The following MAML2 variants were observed in gnomAD, a reference collection of about 807,000 sequenced individuals.
The protein encoded by MAML2 is mastermind-like protein 2.
Under a neutral mutation model 96.1 loss-of-function variants are expected in MAML2, and 22 were observed. That is an observed-to-expected ratio of 0.23 (90% CI 0.16 to 0.33). MAML2 has a LOEUF of 0.33. Ranked by LOEUF, MAML2 falls within the 10% of genes least tolerant of loss-of-function variation. MAML2 has a pLI of 1.00. For missense variants in MAML2, 1,367 were observed against 1,392.4 expected, an observed-to-expected ratio of 0.98 and a Z score of 0.29; for synonymous variants, 561 against 521.3, an observed-to-expected ratio of 1.08 and a Z score of -1.04.
intron 1 of MAML2, among the ~76,000 whole-genome samples, chr11:96,161,860 A>C (rs1461234963): frequency 2.6e-5 from 4 of 152,182 alleles, no homozygotes; most frequent in African/African-American, 9.7e-5. Context: ...TAGGAAATAT[A>C]ATCATGGCAA....
At chr11:95,998,118 A>ATCTG (rs1176144247) in intron 2 of MAML2, among the ~76,000 whole-genome samples, 13 of 125,482 alleles carry the variant, frequency 1.0e-4, no homozygotes, top group African/African-American at 3.7e-4. Context: ...CCACTTTTCT[A>ATCTG]TCTATCTGTC....
chr11:96,177,730 C>T (rs1226799653), intron 1 of MAML2, among the ~76,000 whole-genome samples: 1 of 152,156 alleles, frequency 6.6e-6, no homozygotes, highest in Non-Finnish European at 1.5e-5. Context: ...TCCAAGCCTA[C>T]ATTTTGTCAA....
chr11:96,217,613 G>A (rs750837294), intron 1 of MAML2, among the ~76,000 whole-genome samples: 17 of 152,226 alleles, frequency 1.1e-4, no homozygotes, highest in Non-Finnish European at 2.5e-4. Flanking sequence ...AAAAGAATAA[G>A]ACAGGACAGA....
intron 1 of MAML2, among the ~76,000 whole-genome samples, chr11:96,329,388 A>G (rs1043436120): frequency 3.9e-5 from 6 of 152,180 alleles, no homozygotes; most frequent in African/African-American, 1.4e-4. Context: ...TGTCCCCCAC[A>G]TAACTTCAGA....
intron 1 of MAML2, among the ~76,000 whole-genome samples, chr11:96,297,531 C>T (rs780288734): frequency 1.6e-4 from 25 of 152,044 alleles, no homozygotes; most frequent in Non-Finnish European, 3.1e-4. Flanking sequence ...GCCGAGATCA[C>T]GCCACTGCAC....
intron 2 of MAML2, among the ~76,000 whole-genome samples, chr11:96,015,586 G>GC (rs1477544160): frequency 1.8e-5 from 1 of 54,694 alleles, no homozygotes; most frequent in Non-Finnish European, 3.7e-5. Flanking sequence ...AAAAAAAAAG[G>GC]GGGGGGGGGC....
chr11:96,274,962 A>C (rs1862966651), intron 1 of MAML2, among the ~76,000 whole-genome samples: 1 of 116,778 alleles, frequency 8.6e-6, no homozygotes, highest in Non-Finnish European at 1.9e-5. Context: ...TCATTTATAC[A>C]TATTTTAAAG....
At chr11:96,272,502 T>C (rs1862930861) in intron 1 of MAML2, among the ~76,000 whole-genome samples, 1 of 151,954 alleles carries the variant, frequency 6.6e-6, no homozygotes, top group African/African-American at 2.4e-5. Flanking sequence ...ATATTATGAG[T>C]GGGAAACAAA....
chr11:96,183,088 G>A (rs1186104151), intron 1 of MAML2, among the ~76,000 whole-genome samples: 2 of 151,128 alleles, frequency 1.3e-5, no homozygotes, highest in African/African-American at 4.9e-5. Context: ...CTCCCAAGTA[G>A]CTGGGACTAC....
At chr11:96,331,241 GC>G (rs1288212870) in intron 1 of MAML2, among the ~76,000 whole-genome samples, 5 of 152,206 alleles carry the variant, frequency 3.3e-5, no homozygotes, top group African/African-American at 1.2e-4. Context: ...CTGCACTCCA[GC>G]CTGGGTGACA....
At position 96,148,107 on chromosome 11, in the gene MAML2, C is replaced by T. The variant is rs1044239118; in HGVS notation, c.514-54590G>A. Among the ~76,000 whole-genome samples the T allele has an allele frequency of 3.3e-5, 5 of 152,274 alleles. No homozygotes were observed. In the East Asian group the frequency reaches 9.6e-4, roughly 29 times the overall value. On this transcript the variant is annotated intron_variant, in intron 1 of 4. Transcript: ENST00000524717. ...CGTATACACGACGAGCACACCTCAT[C>T]TGTCACGTCGGGACATGTTAAAAGG...
In MAML2 at chr11:96,208,370, A is replaced by G. The variant is rs141443389; in HGVS notation, c.514-114853T>C. Reference sequence around the variant, plus strand: ...GGCACCCAAGAATGAAATATAATTCAAGAACGTTTTGTACATTCTGCTCTA... The same window carrying G: ...GGCACCCAAGAATGAAATATAATTCGAGAACGTTTTGTACATTCTGCTCTA... On this transcript the variant is annotated intron_variant, in intron 1 of 4. Transcript: ENST00000524717. Among the ~76,000 whole-genome samples the G allele has an allele frequency of 2.5e-3, 382 of 152,378 alleles. 1 individual carries two copies. Among genetic ancestry groups the G allele is most frequent in the Middle Eastern group, 0.01 (3 of 294 alleles).
chr11:96,316,799 G>A (rs1471301175), intron 1 of MAML2, among the ~76,000 whole-genome samples: 1 of 152,224 alleles, frequency 6.6e-6, no homozygotes, highest in Non-Finnish European at 1.5e-5. Flanking sequence ...ATACTAGAAA[G>A]AAGATGCCAT....
At chr11:96,202,794 A>G (rs1861844644) in intron 1 of MAML2, among the ~76,000 whole-genome samples, 1 of 152,024 alleles carries the variant, frequency 6.6e-6, no homozygotes, top group African/African-American at 2.4e-5. Context: ...ACGCCTGGCT[A>G]ATTTTGTATT....
chr11:96,051,192 T>C (rs998766809), intron 2 of MAML2, among the ~76,000 whole-genome samples: 1 of 152,224 alleles, frequency 6.6e-6, no homozygotes, highest in African/African-American at 2.4e-5. Flanking sequence ...ATCCGTCCAA[T>C]ATTTATTTAG....
chr11:96,151,668 C>T lies in MAML2; in HGVS notation c.514-58151G>A, dbSNP rs150645659. ...AAGTATGTAGCACCTTCCCCCTCTT[C>T]CTTTGTCCTGTTCCTGGCATGTAAG... On this transcript the variant is annotated intron_variant, in intron 1 of 4. Transcript: ENST00000524717. Among the ~76,000 whole-genome samples the T allele has an allele frequency of 3.2e-3, 481 of 152,254 alleles. 2 individuals carry two copies. The highest frequency in any genetic ancestry group is 0.01 in the Middle Eastern group (3 of 294).
chr11:96,056,619 C>T (rs1859074501), intron 2 of MAML2, among the ~76,000 whole-genome samples: 1 of 152,168 alleles, frequency 6.6e-6, no homozygotes, highest in Non-Finnish European at 1.5e-5. Context: ...AAGGTTAGAA[C>T]ATTTGAAGCA....
At chr11:96,030,037 A>G (rs375912682) in intron 2 of MAML2, among the ~76,000 whole-genome samples, 3 of 151,998 alleles carry the variant, frequency 2.0e-5, no homozygotes, top group Non-Finnish European at 2.9e-5. Context: ...TTCGAGACCA[A>G]CCTGGCCAAC....
intron 1 of MAML2, among the ~76,000 whole-genome samples, chr11:96,226,255 A>G (rs1206226850): frequency 1.3e-5 from 2 of 152,216 alleles, no homozygotes; most frequent in African/African-American, 4.8e-5. Flanking sequence ...CTCTGGGCCA[A>G]TTACAGTTTT....
Sources: gnomAD v4.1 joint callset for allele counts (sites outside exome capture counted in the v4.1 genomes callset) on GRCh38, gnomAD v4.1.1 for gene constraint, MANE v1.5 for transcripts, NCBI Gene and HGNC (gene_info 2026-07-23, HGNC 2026-07-21) for gene names.